FBN2: variants seen among roughly 807,000 people sequenced by gnomAD.
FBN2 encodes fibrillin 2, also known as fibrillin-2.
In FBN2, 105 loss-of-function variants were observed where a neutral mutation model predicts 355.6. The ratio of observed to expected loss-of-function variants is 0.30; its 90% CI spans 0.25 to 0.35. The LOEUF (loss-of-function observed/expected upper bound fraction) is 0.35. Ranked by LOEUF, FBN2 falls within the 10% of genes least tolerant of loss-of-function variation. The pLI is 1.00. For synonymous variants in FBN2, 1,350 were observed against 1,301.2 expected, an observed-to-expected ratio of 1.04 and a Z score of -0.81; for missense variants, 3,280 against 3,758.7, an observed-to-expected ratio of 0.87 and a Z score of 3.33.
chr5:128,531,052 G>A (rs1398958727), intron 2 of FBN2, among the ~76,000 whole-genome samples: 1 of 152,054 alleles, frequency 6.6e-6, no homozygotes, highest in Non-Finnish European at 1.5e-5. Flanking sequence ...AAAGATACTT[G>A]TACATGCATG....
intron 7 of FBN2, among the ~76,000 whole-genome samples, chr5:128,426,402 T>C (rs144253438): frequency 1.3e-3 from 197 of 152,300 alleles, no homozygotes; most frequent in African/African-American, 4.7e-3. Context: ...CTTAGGACGA[T>C]AAGTCATGAA....
rs531108136 is a variant in FBN2 at position 128,259,084 on chromosome 5, A to C, written c.*371T>G. 246 of 178,840 alleles carry C rather than the reference A, an allele frequency of 1.4e-3. No homozygotes were observed. Among genetic ancestry groups the C allele is most frequent in the Admixed American group, 2.5e-3 (47 of 18,438 alleles). 11.1% of individuals were successfully genotyped at this position (178,840 alleles called of 1,614,324 possible). A position where few individuals can be genotyped will look rare whatever the true frequency, so the allele number is the denominator to read the frequency against. ...ATAAATAAACATCTATATTTTTTTA[A>C]TTAGCAACTATAGCAAAATACCCAA... On this transcript the variant is annotated 3_prime_UTR_variant, in exon 65 of 65. Transcript: ENST00000262464.
At chr5:128,277,764 T>G in intron 58 of FBN2, 116 bp downstream of exon 58, 1 of 1,197,214 alleles carries the variant, frequency 8.4e-7, no homozygotes, top group South Asian at 1.3e-5. Flanking sequence ...AACATTTTAA[T>G]AAAATATATA....
chr5:128,398,670 T>C (rs1752712429), intron 8 of FBN2, among the ~76,000 whole-genome samples: 1 of 151,912 alleles, frequency 6.6e-6, no homozygotes, highest in Non-Finnish European at 1.5e-5. Context: ...AAGGTGAGAA[T>C]GAAAAGCTAA....
At chr5:128,522,620 A>G (rs1370632402) in intron 4 of FBN2, among the ~76,000 whole-genome samples, 1 of 152,218 alleles carries the variant, frequency 6.6e-6, no homozygotes, top group East Asian at 1.9e-4. Context: ...CGAAGTTTAC[A>G]TTAAAGAGCA....
At chr5:128,467,754 C>T (rs996419878) in intron 5 of FBN2, among the ~76,000 whole-genome samples, 6 of 152,080 alleles carry the variant, frequency 3.9e-5, no homozygotes, top group Admixed American at 2.0e-4. Flanking sequence ...TTATGTTACA[C>T]GTTATGACAT....
In FBN2 at chr5:128,288,549, C is replaced by T. The variant is rs1377630978; in HGVS notation, c.6646G>A (p.Glu2216Lys). 1 of 1,613,702 alleles carries T rather than the reference C, an allele frequency of 6.2e-7. No homozygotes were observed. Among genetic ancestry groups the T allele is most frequent in the Non-Finnish European group, 8.5e-7 (1 of 1,179,954 alleles). ...YTGVRCVDTDECSIGNPCGNG... is the reference protein window; with the variant it reads ...YTGVRCVDTDKCSIGNPCGNG... ...CCACACGGATTGCCGATTGAACACTCATCAGTATCTGAAAAAGAAGAATAA... is the reference window on the plus strand; with the variant it reads ...CCACACGGATTGCCGATTGAACACTTATCAGTATCTGAAAAAGAAGAATAA... The change falls in exon 53 of 65, where the codon GAG (glutamate) becomes AAG (lysine). Residue 2216 changes from glutamate to lysine, a missense_variant. By Grantham distance (56) the Glu-to-Lys change is moderately conservative (BLOSUM62 1). Around this residue, in one of 6 missense-constraint regions of FBN2, gnomAD observed 2,284 missense variants for 2,749.5 expected, o/e 0.83. Coordinates refer to ENST00000262464, the MANE Select transcript of FBN2 (RefSeq NM_001999.4).
At chr5:128,389,232 C>A (rs1212289370) in intron 11 of FBN2, among the ~76,000 whole-genome samples, 2 of 152,150 alleles carry the variant, frequency 1.3e-5, no homozygotes, top group Non-Finnish European at 2.9e-5. Context: ...GGTGATGAGG[C>A]CTATGTGCAT....
At position 128,527,854 on chromosome 5, in the gene FBN2, T is replaced by C; in HGVS notation, c.532+18A>G. 1.4e-6 allele frequency: 2 copies of C among 1,466,910 alleles called. No homozygotes were observed. Among genetic ancestry groups the C allele is most frequent in the South Asian group, 1.1e-5 (1 of 87,940 alleles). 90.9% of individuals were successfully genotyped at this position (1,466,910 alleles called of 1,614,324 possible). ...ATCCACCAAATCAAATGATTTCTAA[T>C]AAATCAATGTCCCTTACGTTGTCCA... On this transcript the variant is annotated intron_variant, in intron 4 of 64. Transcript: ENST00000262464.
chr5:128,406,573 T>C (rs1263660788), intron 8 of FBN2, among the ~76,000 whole-genome samples: 3 of 152,150 alleles, frequency 2.0e-5, no homozygotes, highest in Non-Finnish European at 4.4e-5. Flanking sequence ...ATAAGGTCAC[T>C]TGCACATAAG....
intron 7 of FBN2, among the ~76,000 whole-genome samples, chr5:128,427,778 T>C (rs1471675954): frequency 6.6e-6 from 1 of 152,064 alleles, no homozygotes. Context: ...CATTGGAGAG[T>C]CCGGGTCTGA....
At chr5:128,377,660 G>A in intron 13 of FBN2, 92 bp downstream of exon 13, 1 of 1,297,144 alleles carries the variant, frequency 7.7e-7, no homozygotes, top group Non-Finnish European at 1.1e-6. Flanking sequence ...CACATACGTG[G>A]TGTGTGAGCT....
rs1554123650 is a variant in FBN2, at chr5:128,344,617, T to C, written c.3218-107A>G. The C allele has an allele frequency of 1.1e-5, 11 of 998,874 alleles. No individual in the cohort carries two copies. The South Asian group carries it at 1.3e-4, about 12-fold the overall frequency. The allele number at this position is 998,874 out of a possible 1,614,324, so 61.9% of individuals were successfully genotyped here. On this transcript the variant is annotated intron_variant, in intron 24 of 64. Coordinates refer to ENST00000262464, the MANE Select transcript of FBN2 (RefSeq NM_001999.4). Reference sequence around the variant, plus strand: ...GATGGACAACAGTAATGCATCCAAGTAAAAAACAGGGCTACTAAATGTTTC... The same window carrying C: ...GATGGACAACAGTAATGCATCCAAGCAAAAAACAGGGCTACTAAATGTTTC...
chr5:128,333,171 A>AT (rs1750738843), intron 31 of FBN2, 137 bp from the exon 32 acceptor site: 1 of 751,074 alleles, frequency 1.3e-6, no homozygotes, highest in African/African-American at 1.8e-5. Flanking sequence ...ACTAACTTTT[A>AT]TTTTTAATTT....
intron 55 of FBN2, among the ~76,000 whole-genome samples, chr5:128,283,172 C>T (rs1749028038): frequency 1.3e-5 from 2 of 152,198 alleles, no homozygotes; most frequent in Admixed American, 1.3e-4. Flanking sequence ...CACAATACTC[C>T]CTTTTCAAGG....
intron 7 of FBN2, among the ~76,000 whole-genome samples, chr5:128,421,702 T>C (rs1753353876): frequency 6.6e-6 from 1 of 152,138 alleles, no homozygotes. Flanking sequence ...AGGGGATATA[T>C]TCATTTGAAA....
At position 128,293,818 on chromosome 5, in the gene FBN2, A is replaced by C. The variant is rs546172613; in HGVS notation, c.6167-2164T>G. Among the ~76,000 whole-genome samples, 1,236 of 151,902 alleles carry C rather than the reference A, an allele frequency of 8.1e-3. 4 individuals are homozygous for C. Among genetic ancestry groups the C allele is most frequent in the Non-Finnish European group, 0.012 (812 of 67,980 alleles). ...AAAATGGAAGAACAACAGGATCTTA[A>C]ACTTTTCTTTTTTTTAATTAATTAA... On this transcript the variant is annotated intron_variant, in intron 48 of 64. Transcript: ENST00000262464.
rs114102715 is a variant in FBN2 at position 128,365,009 on chromosome 5, A to G, written c.2303-284T>C. Among the ~76,000 whole-genome samples the G allele has an allele frequency of 3.7e-3, 562 of 152,314 alleles. 4 individuals carry two copies. Among genetic ancestry groups the G allele is most frequent in the African/African-American group, 0.013 (528 of 41,576 alleles). On this transcript the variant is annotated intron_variant, in intron 17 of 64. Coordinates refer to ENST00000262464, the MANE Select transcript of FBN2 (RefSeq NM_001999.4). Reference sequence around the variant, plus strand: ...GCCAGCATTTATGATGACATTAATAAAGACAATTTATAGGCTGTTGGCTCC... The same window carrying G: ...GCCAGCATTTATGATGACATTAATAGAGACAATTTATAGGCTGTTGGCTCC...
intron 31 of FBN2, 43 bp from the exon 32 acceptor site, chr5:128,333,077 T>C (rs943233436): frequency 6.6e-7 from 1 of 1,522,114 alleles, no homozygotes; most frequent in East Asian, 2.3e-5. Flanking sequence ...AAATACAAAC[T>C]AATTAATTCT....
Sources: gnomAD v4.1 joint callset for allele counts (sites outside exome capture counted in the v4.1 genomes callset) on GRCh38, gnomAD v4.1.1 for gene constraint, gnomAD v4.1.1 regional missense constraint, MANE v1.5 for transcripts, NCBI Gene and HGNC (gene_info 2026-07-23, HGNC 2026-07-21) for gene names.